The following PTPN22 variants were observed in gnomAD, a reference collection of about 807,000 sequenced individuals.
PTPN22 encodes the protein tyrosine-protein phosphatase non-receptor type 22.
In PTPN22, 85 loss-of-function variants were observed where a neutral mutation model predicts 103.3. That is an observed-to-expected ratio of 0.82 (90% CI 0.69 to 0.99). PTPN22 has a LOEUF of 0.99. Among genes scored for constraint, PTPN22 ranks in the 50% least tolerant of loss-of-function variants. The probability of loss-of-function intolerance (pLI) is 0.00; values close to 1 mark genes in which losing one functional copy is unlikely to be tolerated. For synonymous variants in PTPN22, 323 were observed against 310.2 expected (o/e 1.04, Z -0.43); for missense variants, 865 against 936.9 (o/e 0.92, Z 1.00).
chr1:113,869,331 T>C (rs1666382696), intron 1 of PTPN22, among the ~76,000 whole-genome samples: 1 of 152,138 alleles, frequency 6.6e-6, no homozygotes, highest in Non-Finnish European at 1.5e-5. Flanking sequence ...AGGTAGCTGC[T>C]ATATTTTGGT....
chr1:113,821,810 G>A (rs763449516), intron 19 of PTPN22, among the ~76,000 whole-genome samples: 1 of 152,134 alleles, frequency 6.6e-6, no homozygotes. Context: ...ATATTGGCAT[G>A]GTCACACCAG....
chr1:113,826,892 A>G (rs1662125679), intron 18 of PTPN22, among the ~76,000 whole-genome samples: 1 of 151,034 alleles, frequency 6.6e-6, no homozygotes, highest in South Asian at 2.1e-4. Context: ...GATGGCCTCG[A>G]TCTCCTGACC....
exon 13 of PTPN22, chr1:113,837,779 G>A (rs1558030900): frequency 6.2e-7 from 1 of 1,613,738 alleles, no homozygotes; most frequent in East Asian, 2.2e-5. Context: ...CCACTTGGAG[G>A]CCATGATGAA....
intron 1 of PTPN22, among the ~76,000 whole-genome samples, chr1:113,867,333 T>C (rs1391922588): frequency 1.3e-5 from 2 of 152,156 alleles, no homozygotes; most frequent in Non-Finnish European, 2.9e-5. Flanking sequence ...AGCTCTGTAA[T>C]AAGACAGATC....
intron 11 of PTPN22, among the ~76,000 whole-genome samples, chr1:113,840,155 G>T (rs1359779099): frequency 1.3e-5 from 2 of 150,084 alleles, no homozygotes; most frequent in Non-Finnish European, 2.9e-5. Flanking sequence ...AGGTTGAAGT[G>T]AGCCGAGATC....
intron 19 of PTPN22, among the ~76,000 whole-genome samples, chr1:113,822,191 G>C (rs1426854410): frequency 1.3e-5 from 2 of 152,186 alleles, no homozygotes; most frequent in Non-Finnish European, 2.9e-5. Context: ...GTCAGCTTAA[G>C]TTAGGTTTTC....
rs760527008 is a variant in PTPN22 at position 113,859,010 on chromosome 1, A to C, written c.265T>G (p.Phe89Val). 1 of 1,613,696 alleles carries C rather than the reference A, an allele frequency of 6.2e-7. No homozygotes were observed. The highest frequency in any genetic ancestry group is 8.5e-7 in the Non-Finnish European group (1 of 1,179,870). Residue 89 changes from phenylalanine (F) to valine (V), a missense_variant, in exon 3 of 21, where the codon TTC (phenylalanine) becomes GTC (valine). Phe to Val is a conservative substitution (Grantham distance 50). This residue lies in a region of PTPN22 where 457 missense variants were observed against 529.1 expected (regional missense o/e 0.86). Coordinates refer to ENST00000359785, the Ensembl canonical transcript of PTPN22. ...ATTTTCTTTCACTGTACCTTAATGA[A>C]GTTGGCATTGATGTAGCTGGAATCC...
rs891343312 is a variant in PTPN22 at position 113,856,244 on chromosome 1, G to A, written c.540+138C>T. 8.9e-6 allele frequency: 11 copies of A among 1,239,272 alleles called. No individual in the cohort carries two copies. The African/African-American group carries it at 1.7e-4, about 19-fold the overall frequency. 76.8% of individuals were successfully genotyped at this position (1,239,272 alleles called of 1,614,324 possible). Reference sequence around the variant, plus strand: ...TGTCGGCCAGGCTCAAAGTTCTCTTGAATATGAAGACTCATTCATGACATC... The same window carrying A: ...TGTCGGCCAGGCTCAAAGTTCTCTTAAATATGAAGACTCATTCATGACATC... On this transcript the variant is annotated intron_variant, in intron 7 of 20. Coordinates refer to ENST00000359785, the Ensembl canonical transcript of PTPN22.
At chr1:113,866,234 T>C (rs1309441963) in intron 1 of PTPN22, among the ~76,000 whole-genome samples, 2 of 152,150 alleles carry the variant, frequency 1.3e-5, no homozygotes, top group African/African-American at 2.4e-5. Context: ...ATGGACAGGC[T>C]GGGCGCGGTG....
intron 1 of PTPN22, chr1:113,864,415 GA>G (rs1665934147): frequency 4.0e-6 from 1 of 250,746 alleles, no homozygotes; most frequent in Admixed American, 5.5e-5. Context: ...AGAAAGAAAA[GA>G]AGAAAAGAAA....
At chr1:113,853,643 C>T (rs1276945740) in intron 9 of PTPN22, among the ~76,000 whole-genome samples, 1 of 151,268 alleles carries the variant, frequency 6.6e-6, no homozygotes, top group East Asian at 1.9e-4. Context: ...GCCACCATGC[C>T]CGGCCAAAAA....
intron 10 of PTPN22, among the ~76,000 whole-genome samples, chr1:113,849,597 T>TTA (rs1664380696): frequency 1.9e-5 from 2 of 106,998 alleles, no homozygotes; most frequent in Admixed American, 8.7e-5. Flanking sequence ...TTTATTTATT[T>TTA]TTTTTTTTGA....
intron 11 of PTPN22, among the ~76,000 whole-genome samples, chr1:113,840,996 G>A (rs890913500): frequency 5.3e-5 from 8 of 152,106 alleles, no homozygotes; most frequent in Admixed American, 1.3e-4. Context: ...AGGCTGAGGC[G>A]GGTGGATCAC....
chr1:113,852,034 T>A (rs1664611714), exon 10 of PTPN22: 1 of 1,606,160 alleles, frequency 6.2e-7, no homozygotes, highest in Non-Finnish European at 8.5e-7. Flanking sequence ...TACCTGCGTT[T>A]GAACTAATGA....
intron 11 of PTPN22, 54 bp downstream of exon 11, chr1:113,848,486 G>T: frequency 1.2e-6 from 2 of 1,606,184 alleles, no homozygotes; most frequent in South Asian, 2.2e-5. Context: ...GACATCCCTT[G>T]ACCAAAAGCA....
In PTPN22 at chr1:113,834,261, T is replaced by C. The variant is rs370753640; in HGVS notation, c.2025+48A>G. The C allele has an allele frequency of 8.3e-6, 13 of 1,569,092 alleles. No homozygotes were observed. In the African/African-American group the frequency reaches 1.5e-4, roughly 18 times the overall value. On this transcript the variant is annotated intron_variant, in intron 15 of 20. Transcript: ENST00000359785. Reference sequence around the variant, plus strand: ...GTGTTAAAAATACAAGGAGTAGAACTGTAGTCTATTGAATCTAAATGAGTA... The same window carrying C: ...GTGTTAAAAATACAAGGAGTAGAACCGTAGTCTATTGAATCTAAATGAGTA...
chr1:113,830,419 A>G (rs1417473632), intron 16 of PTPN22, among the ~76,000 whole-genome samples: 1 of 152,164 alleles, frequency 6.6e-6, no homozygotes, highest in African/African-American at 2.4e-5. Context: ...ACTCTCTTCA[A>G]CAAATAAATG....
At chr1:113,817,327 G>A (rs935405255) in intron 20 of PTPN22, among the ~76,000 whole-genome samples, 1 of 152,080 alleles carries the variant, frequency 6.6e-6, no homozygotes, top group Admixed American at 6.5e-5. Context: ...TTGCATGTGG[G>A]CCAATTCAGG....
At chr1:113,824,783 G>A (rs1661899964) in intron 19 of PTPN22, among the ~76,000 whole-genome samples, 1 of 152,028 alleles carries the variant, frequency 6.6e-6, no homozygotes, top group South Asian at 2.1e-4. Context: ...AGGATCACTT[G>A]AGCCCAGGAG....
Sources: allele counts gnomAD v4.1 joint callset (sites outside exome capture counted in the v4.1 genomes callset), GRCh38; gene constraint gnomAD v4.1.1; regional missense constraint gnomAD v4.1.1; transcripts MANE v1.5; gene names NCBI Gene and HGNC (gene_info 2026-07-23, HGNC 2026-07-21).